ESCO2: variants seen among roughly 807,000 people sequenced by gnomAD.
ESCO2 encodes N-acetyltransferase ESCO2.
In ESCO2, 51 loss-of-function variants were observed where a neutral mutation model predicts 61.7. The ratio of observed to expected loss-of-function variants is 0.83; its 90% CI spans 0.66 to 1.04. ESCO2 has a LOEUF of 1.04. Among genes scored for constraint, ESCO2 ranks in the 50% least tolerant of loss-of-function variants. ESCO2 has a pLI of 0.00. For missense variants in ESCO2, 692 were observed against 686.2 expected, an observed-to-expected ratio of 1.01 and a Z score of -0.09; for synonymous variants, 230 against 238.2, an observed-to-expected ratio of 0.97 and a Z score of 0.32.
intron 3 of ESCO2, chr8:27,779,447 C>G (rs1398376204): frequency 6.6e-6 from 1 of 152,172 alleles, no homozygotes; most frequent in Admixed American, 6.5e-5. Flanking sequence ...CACATTCCTG[C>G]TACTCTCCAG....
downstream of ESCO2, chr8:27,811,899 G>A (rs1805693016): frequency 1.3e-5 from 2 of 152,086 alleles, no homozygotes; most frequent in Admixed American, 1.3e-4. Flanking sequence ...TTTGGTACTT[G>A]TAAATAGATT....
At chr8:27,816,343 C>CTTATATATATATATATATATATATATATA (rs1554559818), downstream of ESCO2, among the ~76,000 whole-genome samples, 1 of 136,374 alleles carries the variant, frequency 7.3e-6, no homozygotes, top group African/African-American at 2.9e-5. Context: ...TCATCGAATA[C>CTTATATATATATATATATATATATATATA]TATATATATA....
chr8:27,775,951 G>T (rs534763260), intron 2 of ESCO2, among the ~76,000 whole-genome samples: 11 of 152,272 alleles, frequency 7.2e-5, no homozygotes, highest in Non-Finnish European at 1.5e-4. Context: ...ATTCTAGAAA[G>T]ACTGTGTACT....
chr8:27,781,561 C>CTT (rs67899310), intron 4 of ESCO2, among the ~76,000 whole-genome samples: 27 of 136,552 alleles, frequency 2.0e-4, no homozygotes, highest in Middle Eastern at 3.7e-3. Context: ...TTGGTATAGA[C>CTT]TTTTTTTTTT....
At chr8:27,775,384 C>A in intron 1 of ESCO2, 115 bp from the exon 2 acceptor site, 1 of 915,070 alleles carries the variant, frequency 1.1e-6, no homozygotes, top group Non-Finnish European at 1.8e-6. Context: ...TCGAGGAAGA[C>A]CTCCCAGAAA....
intron 1 of ESCO2, 128 bp from the exon 2 acceptor site, chr8:27,775,371 A>G (rs936211424): frequency 6.3e-6 from 5 of 799,268 alleles, no homozygotes; most frequent in East Asian, 5.0e-5. Flanking sequence ...AAGGAGAGCA[A>G]TGTCGAGGAA....
downstream of ESCO2, chr8:27,810,325 C>T: frequency 6.2e-7 from 1 of 1,612,090 alleles, no homozygotes; most frequent in Non-Finnish European, 8.5e-7. Context: ...GTTTCCAGAG[C>T]TTCAACAATG....
At chr8:27,799,978 C>T (rs1395084589) in intron 10 of ESCO2, among the ~76,000 whole-genome samples, 2 of 150,596 alleles carry the variant, frequency 1.3e-5, no homozygotes, top group Non-Finnish European at 3.0e-5. Flanking sequence ...TGTCACAGAC[C>T]AACACTAATA....
At chr8:27,817,852 G>A in the ESCO2 span, among the ~76,000 whole-genome samples, 23,936 of 152,084 alleles carry the variant, frequency 0.16, 2,389 homozygotes, top group East Asian at 0.37. Flanking sequence ...TTCTAGAGCA[G>A]TATTGTTCAA....
chr8:27,772,580 A>G (rs1406376906), upstream of ESCO2: 1 of 1,542,596 alleles, frequency 6.5e-7, no homozygotes, highest in Non-Finnish European at 8.8e-7. Context: ...GCGGAGCAGC[A>G]GCGCTCAACT....
At chr8:27,797,999 C>T (rs776598098) in intron 9 of ESCO2, among the ~76,000 whole-genome samples, 1 of 151,988 alleles carries the variant, frequency 6.6e-6, no homozygotes, top group African/African-American at 2.4e-5. Context: ...TTGTGTTGTT[C>T]GTAATTAAAA....
chr8:27,786,886 A>G (rs1193800560), intron 5 of ESCO2, among the ~76,000 whole-genome samples: 1 of 62,172 alleles, frequency 1.6e-5, no homozygotes, highest in Non-Finnish European at 3.1e-5. Context: ...TTTCTTATTT[A>G]CTTCTACTCT....
chr8:27,817,607 G>A (rs1203765152), downstream of ESCO2, among the ~76,000 whole-genome samples: 1 of 150,928 alleles, frequency 6.6e-6, no homozygotes, highest in Non-Finnish European at 1.5e-5. Flanking sequence ...ATGAAGTTTT[G>A]CAGGAAATAA....
At chr8:27,816,266 C>G (rs1489758294), downstream of ESCO2, among the ~76,000 whole-genome samples, 1 of 150,420 alleles carries the variant, frequency 6.6e-6, no homozygotes, top group Admixed American at 6.6e-5. Flanking sequence ...ATTCATGGTG[C>G]CTGACATGTA....
chr8:27,811,471 C>T (rs938192638), downstream of ESCO2: 4 of 421,964 alleles, frequency 9.5e-6, no homozygotes, highest in African/African-American at 8.0e-5. Context: ...GCTGCGTGAC[C>T]TTGAGCAGAT....
downstream of ESCO2, chr8:27,810,202 C>G (rs1052874): frequency 0.13 from 102,892 of 776,534 alleles, 8,800 homozygotes; most frequent in East Asian, 0.34. Context: ...CTATGGTCCT[C>G]AAATATGCCA....
Position 27,799,397 on chromosome 8 carries a change from T to C in ESCO2, c.1498-144T>C, listed in dbSNP as rs548479906. On this transcript the variant is annotated intron_variant, in intron 9 of 10. Coordinates refer to ENST00000305188, the MANE Select transcript of ESCO2 (RefSeq NM_001017420.3). The stretch of plus-strand genomic sequence containing the variant: ...TTAAAGCATTGTGTGACTAAAGGGA[T>C]AAGAATTTAAGAAATAGAAAATATT... 6 of 887,104 alleles carry C rather than the reference T, an allele frequency of 6.8e-6. No individual in the cohort carries two copies. The South Asian group carries it at 8.6e-5, about 13-fold the overall frequency. The allele number at this position is 887,104 out of a possible 1,614,324, so 55.0% of individuals were successfully genotyped here. A position where few individuals can be genotyped will look rare whatever the true frequency, so the allele number is the denominator to read the frequency against.
chr8:27,816,013 A>G (rs1805803551), downstream of ESCO2, among the ~76,000 whole-genome samples: 1 of 152,180 alleles, frequency 6.6e-6, no homozygotes, highest in African/African-American at 2.4e-5. Context: ...GACATGCTTT[A>G]GTTACTATCC....
chr8:27,813,082 T>C (rs1016274731), downstream of ESCO2, among the ~76,000 whole-genome samples: 2 of 152,144 alleles, frequency 1.3e-5, no homozygotes, highest in Non-Finnish European at 2.9e-5. Flanking sequence ...CAAATGTCCG[T>C]CAATGACTGG....
Sources: allele counts gnomAD v4.1 joint callset (sites outside exome capture counted in the v4.1 genomes callset), GRCh38; gene constraint gnomAD v4.1.1; transcripts MANE v1.5; gene names NCBI Gene and HGNC (gene_info 2026-07-23, HGNC 2026-07-21).